LRRC4C: variants seen among roughly 807,000 people sequenced by gnomAD.
LRRC4C encodes the protein leucine rich repeat containing 4C.
LRRC4C carries 5 observed loss-of-function variants against 33.6 expected under a neutral mutation model. That is an observed-to-expected ratio of 0.15 (90% CI 0.08 to 0.31). LRRC4C has a LOEUF of 0.31. Among genes scored for constraint, LRRC4C ranks in the 10% least tolerant of loss-of-function variants. The pLI is 1.00. For synonymous variants in LRRC4C, 329 were observed against 302.0 expected (o/e 1.09, Z -0.93); for missense variants, 560 against 796.7 (o/e 0.70, Z 3.58).
At chr11:40,863,866 T>C (rs1954222554) in intron 2 of LRRC4C, among the ~76,000 whole-genome samples, 1 of 152,172 alleles carries the variant, frequency 6.6e-6, no homozygotes, top group Non-Finnish European at 1.5e-5. Context: ...ATTTAAGTTG[T>C]GTTCATGTCA....
chr11:40,412,792 C>T (rs1299626176), intron 3 of LRRC4C, among the ~76,000 whole-genome samples: 1 of 152,048 alleles, frequency 6.6e-6, no homozygotes, highest in Non-Finnish European at 1.5e-5. Flanking sequence ...CCCTGCAACA[C>T]TAGGACTGTT....
intron 1 of LRRC4C, among the ~76,000 whole-genome samples, chr11:41,446,437 T>A (rs2138593930): frequency 6.6e-6 from 1 of 152,326 alleles, no homozygotes; most frequent in East Asian, 1.9e-4. Context: ...CAGGCTGGGC[T>A]GGAAGGCCCA....
At chr11:41,422,256 C>T (rs1954895011) in intron 1 of LRRC4C, among the ~76,000 whole-genome samples, 1 of 151,914 alleles carries the variant, frequency 6.6e-6, no homozygotes, top group Non-Finnish European at 1.5e-5. Flanking sequence ...GGGCTGAGCT[C>T]TTCCCGACCC....
intron 2 of LRRC4C, among the ~76,000 whole-genome samples, chr11:40,912,673 C>A (rs1210181449): frequency 6.6e-6 from 1 of 152,130 alleles, no homozygotes. Context: ...ATCATAATGA[C>A]AGGATCAAAT....
At chr11:40,698,749 C>T (rs777693006) in intron 2 of LRRC4C, among the ~76,000 whole-genome samples, 2 of 151,984 alleles carry the variant, frequency 1.3e-5, no homozygotes, top group Non-Finnish European at 2.9e-5. Flanking sequence ...GCTGGGGAGG[C>T]CTCATAATCA....
intron 3 of LRRC4C, among the ~76,000 whole-genome samples, chr11:40,537,767 C>T (rs1316285984): frequency 6.6e-6 from 1 of 151,994 alleles, no homozygotes; most frequent in East Asian, 1.9e-4. Context: ...CAGATTAGTT[C>T]CCTGGGAAAG....
chr11:40,399,848 G>A (rs922987739), intron 3 of LRRC4C, among the ~76,000 whole-genome samples: 1 of 152,006 alleles, frequency 6.6e-6, no homozygotes, highest in Non-Finnish European at 1.5e-5. Flanking sequence ...GGGAAACGGG[G>A]CAGTTTAGTC....
chr11:41,007,780 G>T (rs556406301), intron 1 of LRRC4C, among the ~76,000 whole-genome samples: 2 of 152,188 alleles, frequency 1.3e-5, no homozygotes, highest in South Asian at 2.1e-4. Flanking sequence ...TGATTACTCT[G>T]AAATTTAGAC....
intron 2 of LRRC4C, among the ~76,000 whole-genome samples, chr11:40,794,572 G>A (rs531210300): frequency 3.9e-5 from 6 of 152,274 alleles, no homozygotes; most frequent in African/African-American, 1.4e-4. Flanking sequence ...GTAGAGAATA[G>A]ACGCTGTTTC....
chr11:40,336,850 G>T (rs1037432645), intron 3 of LRRC4C, among the ~76,000 whole-genome samples: 1 of 151,470 alleles, frequency 6.6e-6, no homozygotes, highest in Non-Finnish European at 1.5e-5. Flanking sequence ...GGCGGGGGGC[G>T]CCTGTAGTCC....
At chr11:40,328,053 A>T (rs1452485) in intron 3 of LRRC4C, among the ~76,000 whole-genome samples, 128,531 of 151,944 alleles carry the variant, frequency 0.85, 55,733 homozygotes, top group East Asian at 0.97. Flanking sequence ...TTGTAGACAG[A>T]CATTACTAAA....
intron 2 of LRRC4C, among the ~76,000 whole-genome samples, chr11:40,872,995 A>T (rs1954721817): frequency 1.3e-5 from 2 of 152,106 alleles, no homozygotes; most frequent in African/African-American, 4.8e-5. Flanking sequence ...TCAGTTTGGG[A>T]TAATGATGCA....
chr11:40,139,543 T>C (rs1333724325), intron 6 of LRRC4C, among the ~76,000 whole-genome samples: 1 of 152,194 alleles, frequency 6.6e-6, no homozygotes, highest in African/African-American at 2.4e-5. Flanking sequence ...ATTATTTCCT[T>C]CAGGCGAACC....
intron 5 of LRRC4C, among the ~76,000 whole-genome samples, chr11:40,211,875 T>C (rs1278755249): frequency 2.0e-5 from 3 of 152,180 alleles, no homozygotes; most frequent in Non-Finnish European, 2.9e-5. Context: ...ATCATGTTTT[T>C]ACTTTGAGAC....
rs1041308053 is a variant in LRRC4C, at chr11:41,225,105, T to A, written c.-496+234326A>T. On this transcript the variant is annotated intron_variant, in intron 1 of 6. Coordinates refer to ENST00000528697, the MANE Select transcript of LRRC4C (RefSeq NM_001258419.2). ...ATTTTGAACACATGAGGATAGAGAG[T>A]AGAAGGATGGTTACCAGAGGTTGGG... Among the ~76,000 whole-genome samples the A allele has an allele frequency of 2.6e-5, 4 of 151,490 alleles. No individual in the cohort carries two copies. In the East Asian group the frequency reaches 7.7e-4, roughly 29 times the overall value.
intron 3 of LRRC4C, among the ~76,000 whole-genome samples, chr11:40,517,355 C>A (rs545489371): frequency 6.6e-6 from 1 of 152,088 alleles, no homozygotes; most frequent in Admixed American, 6.6e-5. Context: ...AGGCATTGAT[C>A]CAGGAAAACA....
At chr11:40,942,471 A>G (rs1486534712) in intron 1 of LRRC4C, among the ~76,000 whole-genome samples, 1 of 152,194 alleles carries the variant, frequency 6.6e-6, no homozygotes, top group Admixed American at 6.6e-5. Context: ...ACATTGAACA[A>G]GGTGAGCAAG....
intron 1 of LRRC4C, among the ~76,000 whole-genome samples, chr11:40,946,381 T>C (rs375064921): frequency 4.6e-5 from 7 of 152,330 alleles, no homozygotes; most frequent in African/African-American, 1.7e-4. Flanking sequence ...TGGTGAATAG[T>C]GCTGTTATAA....
intron 3 of LRRC4C, among the ~76,000 whole-genome samples, chr11:40,522,113 C>T (rs938617414): frequency 2.6e-5 from 4 of 152,146 alleles, no homozygotes; most frequent in Non-Finnish European, 5.9e-5. Flanking sequence ...ACCTCTGCCT[C>T]CTGGGTTCAA....
Sources: allele counts gnomAD v4.1 joint callset (sites outside exome capture counted in the v4.1 genomes callset), GRCh38; gene constraint gnomAD v4.1.1; transcripts MANE v1.5; gene names NCBI Gene and HGNC (gene_info 2026-07-23, HGNC 2026-07-21).